THSD4: variants seen among roughly 807,000 people sequenced by gnomAD.
The protein encoded by THSD4 is thrombospondin type 1 domain containing 4.
In THSD4, 69 loss-of-function variants were observed where a neutral mutation model predicts 119.0. The observed-to-expected ratio is 0.58, with a 90% confidence interval of 0.48 to 0.71. The LOEUF is 0.71. Among genes scored for constraint, THSD4 ranks in the 30% least tolerant of loss-of-function variants. The pLI, the probability that THSD4 is intolerant of heterozygous loss-of-function variation, is 0.00. For synonymous variants in THSD4, 524 were observed against 540.4 expected (o/e 0.97, Z 0.42); for missense variants, 1,393 against 1,391.1 (o/e 1.00, Z -0.02).
chr15:71,617,664 A>C (rs1362145375), intron 7 of THSD4, among the ~76,000 whole-genome samples: 1 of 152,216 alleles, frequency 6.6e-6, no homozygotes, highest in African/African-American at 2.4e-5. Flanking sequence ...TTAAAAATAC[A>C]GATGTTATTA....
intron 6 of THSD4, among the ~76,000 whole-genome samples, chr15:71,264,499 A>G (rs2044441859): frequency 6.6e-6 from 1 of 152,196 alleles, no homozygotes; most frequent in Non-Finnish European, 1.5e-5. Context: ...TCTTTGTGAA[A>G]ACAAAATGAT....
intron 8 of THSD4, among the ~76,000 whole-genome samples, chr15:71,662,840 A>G (rs2051337527): frequency 6.6e-6 from 1 of 152,198 alleles, no homozygotes; most frequent in Admixed American, 6.5e-5. Context: ...CAGTTGACAA[A>G]TGTTCATTGC....
chr15:71,339,736 T>C (rs1254217591), intron 6 of THSD4, among the ~76,000 whole-genome samples: 1 of 152,114 alleles, frequency 6.6e-6, no homozygotes, highest in Non-Finnish European at 1.5e-5. Context: ...ATGGTAAATA[T>C]GTGTAAAGCA....
At chr15:71,537,566 C>T (rs575719138) in intron 7 of THSD4, among the ~76,000 whole-genome samples, 62 of 152,146 alleles carry the variant, frequency 4.1e-4, no homozygotes, top group Middle Eastern at 3.4e-3. Context: ...TAATTCTTTT[C>T]ACATTGCAAT....
intron 8 of THSD4, among the ~76,000 whole-genome samples, chr15:71,704,041 G>T (rs1410697847): frequency 6.6e-6 from 1 of 152,068 alleles, no homozygotes; most frequent in Non-Finnish European, 1.5e-5. Context: ...GTAGAGACGG[G>T]GTTTCACCAT....
In THSD4 at chr15:71,781,075, C is replaced by T. The variant is rs1055652677; in HGVS notation, c.*3701C>T. ...AACAGGCTGGATAATCTATATCAGC[C>T]TTGTGGGTGGAGACTAGTATTTGAT... On this transcript the variant is annotated 3_prime_UTR_variant, in exon 18 of 18. Coordinates refer to ENST00000261862, the MANE Select transcript of THSD4 (RefSeq NM_024817.3). The T allele has an allele frequency of 3.5e-6, 1 of 282,314 alleles. No homozygotes were observed. Among genetic ancestry groups the T allele is most frequent in the Non-Finnish European group, 7.1e-6 (1 of 140,264 alleles). 17.5% of individuals were successfully genotyped at this position (282,314 alleles called of 1,614,324 possible). A position where few individuals can be genotyped will look rare whatever the true frequency, so the allele number is the denominator to read the frequency against.
At chr15:71,149,713 T>G (rs2040701367) in intron 2 of THSD4, among the ~76,000 whole-genome samples, 1 of 152,188 alleles carries the variant, frequency 6.6e-6, no homozygotes, top group South Asian at 2.1e-4. Flanking sequence ...TAGTTTTTTT[T>G]TCTTGTTTTC....
intron 6 of THSD4, among the ~76,000 whole-genome samples, chr15:71,344,542 G>A (rs114606139): frequency 1.4e-3 from 212 of 152,230 alleles, no homozygotes; most frequent in African/African-American, 5.0e-3. Context: ...GGCTGGCTGG[G>A]TGCCTGTTCC....
At chr15:71,627,733 G>A (rs529130915) in intron 7 of THSD4, among the ~76,000 whole-genome samples, 1 of 152,166 alleles carries the variant, frequency 6.6e-6, no homozygotes, top group Non-Finnish European at 1.5e-5. Flanking sequence ...CAGGGGAGAG[G>A]AAGATTTTGG....
chr15:71,142,489 A>G (rs2040614306), intron 2 of THSD4, among the ~76,000 whole-genome samples: 1 of 152,170 alleles, frequency 6.6e-6, no homozygotes, highest in Non-Finnish European at 1.5e-5. Context: ...GTATTTTATT[A>G]ATATAAATTT....
chr15:71,574,319 T>C (rs1041025504), intron 7 of THSD4, among the ~76,000 whole-genome samples: 50 of 152,334 alleles, frequency 3.3e-4, no homozygotes, highest in Middle Eastern at 3.4e-3. Flanking sequence ...TAGATATTAT[T>C]GTCATCCCCT....
At chr15:71,757,738 G>T in intron 14 of THSD4, 164 bp from the exon 15 acceptor site, 1 of 810,462 alleles carries the variant, frequency 1.2e-6, no homozygotes, top group Non-Finnish European at 1.9e-6. Flanking sequence ...TTGCCATACT[G>T]ATATCTCATA....
chr15:71,614,937 G>A (rs2050294968), intron 7 of THSD4, among the ~76,000 whole-genome samples: 1 of 152,100 alleles, frequency 6.6e-6, no homozygotes, highest in Admixed American at 6.5e-5. Flanking sequence ...GACCTCTGCG[G>A]AGCATGCTTC....
At position 71,292,352 on chromosome 15, in the gene THSD4, T is replaced by C. The variant is rs533644554; in HGVS notation, c.1015+35637T>C. ...TGAACCCTTTCAAGGTAGAAACTCA[T>C]GCTTGTGTAGTTTCTTCCAATATTT... On this transcript the variant is annotated intron_variant, in intron 6 of 17. Coordinates refer to ENST00000261862, the MANE Select transcript of THSD4 (RefSeq NM_024817.3). Among the ~76,000 whole-genome samples the C allele has an allele frequency of 2.6e-5, 4 of 152,314 alleles. No individual in the cohort carries two copies. In the South Asian group the frequency reaches 6.2e-4, roughly 24 times the overall value.
Position 71,747,031 on chromosome 15 carries a change from G to A in THSD4, c.2230G>A (p.Asp744Asn), listed in dbSNP as rs528437152. Residue 744 changes from aspartate to asparagine, a missense_variant, in exon 13 of 18, where the codon GAC (aspartate) becomes AAC (asparagine). Transcript: ENST00000261862. ...KICSEWQIRT[D>N]WTSCSVPCGV... ...CTGCAGCGAGTGGCAGATCCGGACCGACTGGACCTCGGTACGCAGGCAGGG... is the reference window on the plus strand; with the variant it reads ...CTGCAGCGAGTGGCAGATCCGGACCAACTGGACCTCGGTACGCAGGCAGGG... 22 of 1,608,390 alleles carry A rather than the reference G, an allele frequency of 1.4e-5. No homozygotes were observed. The highest frequency in any genetic ancestry group is 9.3e-5 in the African/African-American group (7 of 74,982).
intron 7 of THSD4, among the ~76,000 whole-genome samples, chr15:71,614,445 G>GC (rs1456466605): frequency 6.6e-6 from 1 of 152,078 alleles, no homozygotes; most frequent in Non-Finnish European, 1.5e-5. Context: ...AGTCCTCCCT[G>GC]CTAGTCTCCA....
At chr15:71,182,974 A>G (rs1270018623) in intron 3 of THSD4, 2 of 151,690 alleles carry the variant, frequency 1.3e-5, no homozygotes, top group East Asian at 3.8e-4. Flanking sequence ...ATTTTTCCCC[A>G]TTAACTCATC....
In THSD4 at chr15:71,777,529, G is replaced by C; in HGVS notation, c.*155G>C. On this transcript the variant is annotated 3_prime_UTR_variant, in exon 18 of 18. Transcript: ENST00000261862. Reference sequence around the variant, plus strand: ...CTGCCTCCGGTGAATGCACCCCGTGGTACCCAGGGGCTTTTTACACAAGAT... The same window carrying C: ...CTGCCTCCGGTGAATGCACCCCGTGCTACCCAGGGGCTTTTTACACAAGAT... 1 of 1,013,884 alleles carries C rather than the reference G, an allele frequency of 9.9e-7. No individual in the cohort carries two copies. Among genetic ancestry groups the C allele is most frequent in the Non-Finnish European group, 1.4e-6 (1 of 711,234 alleles). 62.8% of individuals were successfully genotyped at this position (1,013,884 alleles called of 1,614,324 possible).
chr15:71,155,836 T>C (rs998449839), intron 3 of THSD4, among the ~76,000 whole-genome samples: 2 of 152,152 alleles, frequency 1.3e-5, no homozygotes, highest in Admixed American at 6.5e-5. Context: ...GAACCTGGCC[T>C]TCTCTTTCCT....
Sources: allele counts gnomAD v4.1 joint callset (sites outside exome capture counted in the v4.1 genomes callset), GRCh38; gene constraint gnomAD v4.1.1; transcripts MANE v1.5; gene names NCBI Gene and HGNC (gene_info 2026-07-23, HGNC 2026-07-21).